The following CHERP variants were observed in gnomAD, a reference collection of about 807,000 sequenced individuals.
CHERP encodes the protein ERPROT 213-21.
A neutral mutation model predicts 113.8 loss-of-function variants in CHERP; 8 were observed. The observed-to-expected ratio is 0.07, with a 90% CI of 0.04 to 0.13. CHERP has a LOEUF of 0.13. Ranked by LOEUF, CHERP falls within the 10% of genes least tolerant of loss-of-function variation. The pLI is 1.00. For synonymous variants in CHERP, 559 were observed against 524.5 expected (o/e 1.07, Z -0.90); for missense variants, 884 against 1,298.2 (o/e 0.68, Z 4.90).
rs2085614252 is a variant in CHERP at position 16,521,405 on chromosome 19, G to A, written c.2114+116C>T. 6 of 919,524 alleles carry A rather than the reference G, an allele frequency of 6.5e-6. No individual in the cohort carries two copies. In the South Asian group the frequency reaches 1.1e-4, roughly 17 times the overall value. The allele number at this position is 919,524 out of a possible 1,614,324, so 57.0% of individuals were successfully genotyped here. On this transcript the variant is annotated intron_variant, in intron 12 of 16. Transcript: ENST00000546361. Reference sequence around the variant, plus strand: ...ACACTTGTCACTCAGGCGGGGGGAGGGCAGTTTCTCCTGAGGGACAGCCAC... The same window carrying A: ...ACACTTGTCACTCAGGCGGGGGGAGAGCAGTTTCTCCTGAGGGACAGCCAC...
chr19:16,525,075 C>G lies in CHERP; in HGVS notation c.1741+167G>C, dbSNP rs889425688. ...CAGGGCGGCAAAACTGAGTCTGTGCCCCCACTTCCTGAGAACCCAGGCCGG... is the reference window on the plus strand; with the variant it reads ...CAGGGCGGCAAAACTGAGTCTGTGCGCCCACTTCCTGAGAACCCAGGCCGG... On this transcript the variant is annotated intron_variant, in intron 10 of 16. Transcript: ENST00000546361. The surrounding 1 kb of genome is among the most constrained non-coding windows in gnomAD (Gnocchi z 6.5). 4.6e-5 allele frequency among the ~76,000 whole-genome samples: 7 copies of G among 152,194 alleles called. No homozygotes were observed. Among genetic ancestry groups the G allele is most frequent in the Middle Eastern group, 3.2e-3 (1 of 316 alleles).
At chr19:16,539,239 C>A (rs1450373621) in intron 2 of CHERP, among the ~76,000 whole-genome samples, 1 of 151,476 alleles carries the variant, frequency 6.6e-6, no homozygotes, top group Non-Finnish European at 1.5e-5. Context: ...GCTCTGCCTC[C>A]CAGGTTCACG....
Position 16,532,720 on chromosome 19 carries a change from G to A in CHERP, c.552C>T (p.Ala184=). The A allele has an allele frequency of 6.2e-7, 1 of 1,612,116 alleles. No homozygotes were observed. Among genetic ancestry groups the A allele is most frequent in the Non-Finnish European group, 8.5e-7 (1 of 1,178,620 alleles). Residue 184 remains alanine, a synonymous_variant, in exon 5 of 17, where the codon GCC becomes GCT. Coordinates refer to ENST00000546361, the MANE Select transcript of CHERP (RefSeq NM_006387.6). This position sits in a 1 kb window ranked among gnomAD's most constrained non-coding sequence, Gnocchi z 4.4. ...TCAGCTCACAGTGCGGCGGGGACTT[G>A]GCATTGCTGAACATCCAGTTCTTCC... The part of the protein sequence containing the change: ...SAGKNWMFSN[A]KSPPHCELMA...
At chr19:16,531,573 G>C (rs2085705089) in intron 5 of CHERP, among the ~76,000 whole-genome samples, 1 of 152,240 alleles carries the variant, frequency 6.6e-6, no homozygotes, top group South Asian at 2.1e-4. Context: ...AGGGGGCTCA[G>C]GGGAGCAAGG....
Position 16,523,372 on chromosome 19 carries a change from G to T in CHERP, c.1742-82C>A. Reference sequence around the variant, plus strand: ...AAGTGCTGGAGGGGAGGGGCTCAGTGAAGGGCCAGGAGACGAACCCCTCCT... The same window carrying T: ...AAGTGCTGGAGGGGAGGGGCTCAGTTAAGGGCCAGGAGACGAACCCCTCCT... On this transcript the variant is annotated intron_variant, in intron 10 of 16. Coordinates refer to ENST00000546361, the MANE Select transcript of CHERP (RefSeq NM_006387.6). This position sits in a 1 kb window ranked among gnomAD's most constrained non-coding sequence, Gnocchi z 4.0. 6.5e-7 allele frequency: 1 copy of T among 1,528,678 alleles called. No homozygotes were observed. Among genetic ancestry groups the T allele is most frequent in the Non-Finnish European group, 8.9e-7 (1 of 1,123,818 alleles). 94.7% of individuals were successfully genotyped at this position (1,528,678 alleles called of 1,614,324 possible). A position where few individuals can be genotyped will look rare whatever the true frequency, so the allele number is the denominator to read the frequency against.
intron 3 of CHERP, among the ~76,000 whole-genome samples, chr19:16,534,008 A>G (rs2085724826): frequency 6.6e-6 from 1 of 151,500 alleles, no homozygotes; most frequent in South Asian, 2.1e-4. Flanking sequence ...CTCCCACTCC[A>G]TGATGAACAG....
At position 16,520,328 on chromosome 19, in the gene CHERP, G is replaced by A. The variant is rs1233757026; in HGVS notation, c.2345+36C>T. The A allele has an allele frequency of 2.5e-6, 4 of 1,611,472 alleles. No individual in the cohort carries two copies. The highest frequency in any genetic ancestry group is 2.7e-5 in the African/African-American group (2 of 74,848). The stretch of plus-strand genomic sequence containing the variant: ...GCGTCGTGGGGAGGCCACAGGAAGA[G>A]GCCTCAGGCACTGCCCTGAGGCAGC... On this transcript the variant is annotated intron_variant, in intron 14 of 16. Coordinates refer to ENST00000546361, the MANE Select transcript of CHERP (RefSeq NM_006387.6). The surrounding 1 kb of genome is among the most constrained non-coding windows in gnomAD (Gnocchi z 4.0).
Position 16,518,846 on chromosome 19 carries a change from C to T in CHERP, c.*313G>A. 1 of 366,374 alleles carries T rather than the reference C, an allele frequency of 2.7e-6. No homozygotes were observed. The allele number at this position is 366,374 out of a possible 1,614,324, so 22.7% of individuals were successfully genotyped here. A position where few individuals can be genotyped will look rare whatever the true frequency, so the allele number is the denominator to read the frequency against. On this transcript the variant is annotated 3_prime_UTR_variant, in exon 17 of 17. Coordinates refer to ENST00000546361, the MANE Select transcript of CHERP (RefSeq NM_006387.6). The stretch of plus-strand genomic sequence containing the variant: ...TGACTTAGGGCAGATGCACATCCAT[C>T]CCTTCGTGGCTGAAGAATTTACTCG...
In CHERP at chr19:16,532,853, A is replaced by G; in HGVS notation, c.523-104T>C. The G allele has an allele frequency of 3.9e-6, 6 of 1,539,162 alleles. No homozygotes were observed. Among genetic ancestry groups the G allele is most frequent in the Non-Finnish European group, 5.3e-6 (6 of 1,136,524 alleles). On this transcript the variant is annotated intron_variant, in intron 4 of 16. Transcript: ENST00000546361. The surrounding 1 kb of genome is among the most constrained non-coding windows in gnomAD (Gnocchi z 4.4). ...CCATCAGCTCAGGGAAGGACACACCATGAGCGTGGGGGGCACAGGGTCCCA... is the reference window on the plus strand; with the variant it reads ...CCATCAGCTCAGGGAAGGACACACCGTGAGCGTGGGGGGCACAGGGTCCCA...
chr19:16,542,152 G>C (rs902700489), intron 1 of CHERP, 109 bp from the exon 2 acceptor site: 1 of 1,299,984 alleles, frequency 7.7e-7, no homozygotes, highest in African/African-American at 1.5e-5. Flanking sequence ...AAGGGGGTGG[G>C]CCCCGAAGAG....
At position 16,520,653 on chromosome 19, in the gene CHERP, T is replaced by C; in HGVS notation, c.2202-146A>G. The C allele has an allele frequency of 4.2e-6, 5 of 1,176,726 alleles. No individual in the cohort carries two copies. The highest frequency in any genetic ancestry group is 6.1e-6 in the Non-Finnish European group (5 of 816,568). The allele number at this position is 1,176,726 out of a possible 1,614,324, so 72.9% of individuals were successfully genotyped here. ...AGCCACAGCAACGGTACCAAGTTCCTAAATAGTGTGGCCGAGCCTGCTGCT... is the reference window on the plus strand; with the variant it reads ...AGCCACAGCAACGGTACCAAGTTCCCAAATAGTGTGGCCGAGCCTGCTGCT... On this transcript the variant is annotated intron_variant, in intron 13 of 16. Transcript: ENST00000546361. This position sits in a 1 kb window ranked among gnomAD's most constrained non-coding sequence, Gnocchi z 4.0.
At chr19:16,533,692 CA>C in intron 3 of CHERP, among the ~76,000 whole-genome samples, 1 of 152,028 alleles carries the variant, frequency 6.6e-6, no homozygotes, top group East Asian at 1.9e-4. Context: ...CCCAGGAGTT[CA>C]AAGTTAAACA....
chr19:16,538,062 C>T (rs1377172172), intron 2 of CHERP, among the ~76,000 whole-genome samples: 1 of 152,166 alleles, frequency 6.6e-6, no homozygotes, highest in African/African-American at 2.4e-5. Flanking sequence ...TGTACTGTGG[C>T]TAACCCAGCT....
intron 2 of CHERP, among the ~76,000 whole-genome samples, chr19:16,539,533 TTCAGGCAGCTGATC>T (rs1422170545): frequency 2.0e-5 from 3 of 152,096 alleles, no homozygotes; most frequent in Non-Finnish European, 4.4e-5. Flanking sequence ...TGCTTACGAT[TTCAGGCAGCTGATC>T]TCTCTCCACC....
chr19:16,530,007 C>T lies in CHERP; in HGVS notation c.877-107G>A. 7.1e-7 allele frequency: 1 copy of T among 1,410,134 alleles called. No homozygotes were observed. The highest frequency in any genetic ancestry group is 9.5e-7 in the Non-Finnish European group (1 of 1,049,314). 87.4% of individuals were successfully genotyped at this position (1,410,134 alleles called of 1,614,324 possible). On this transcript the variant is annotated intron_variant, in intron 7 of 16. Coordinates refer to ENST00000546361, the MANE Select transcript of CHERP (RefSeq NM_006387.6). The surrounding 1 kb of genome is among the most constrained non-coding windows in gnomAD (Gnocchi z 4.1). ...GCAGCAGAGCCTGGGGGACCTGGGGCAGGTGGACAGGGAACCGTCACGTGA... is the reference window on the plus strand; with the variant it reads ...GCAGCAGAGCCTGGGGGACCTGGGGTAGGTGGACAGGGAACCGTCACGTGA...
In CHERP at chr19:16,518,258, G is replaced by C. The variant is rs1314045849; in HGVS notation, c.*901C>G. The C allele has an allele frequency of 1.3e-5, 2 of 152,004 alleles. No individual in the cohort carries two copies. Among genetic ancestry groups the C allele is most frequent in the Non-Finnish European group, 2.9e-5 (2 of 68,058 alleles). The allele number at this position is 152,004 out of a possible 1,614,324, so 9.4% of individuals were successfully genotyped here. On this transcript the variant is annotated 3_prime_UTR_variant, in exon 17 of 17. Coordinates refer to ENST00000546361, the MANE Select transcript of CHERP (RefSeq NM_006387.6). ...ATGATGGAGTGGAAGGCGCTGGCTG[G>C]GGTCGGGCTCCATGCTCTGGATGGG...
chr19:16,520,300 C>T lies in CHERP; in HGVS notation c.2346-35G>A, dbSNP rs1461686938. ...AGGGTGCCCAAGGGTCAGCAGCAGC[C>T]AGGCGTCGTGGGGAGGCCACAGGAA... On this transcript the variant is annotated intron_variant, in intron 14 of 16. Coordinates refer to ENST00000546361, the MANE Select transcript of CHERP (RefSeq NM_006387.6). This position sits in a 1 kb window ranked among gnomAD's most constrained non-coding sequence, Gnocchi z 4.0. 6.2e-7 allele frequency: 1 copy of T among 1,611,180 alleles called. No homozygotes were observed. The highest frequency in any genetic ancestry group is 1.3e-5 in the African/African-American group (1 of 74,794).
chr19:16,520,746 A>T lies in CHERP; in HGVS notation c.2201+80T>A. The T allele has an allele frequency of 7.3e-7, 1 of 1,367,088 alleles. No homozygotes were observed. The allele number at this position is 1,367,088 out of a possible 1,614,324, so 84.7% of individuals were successfully genotyped here. A position where few individuals can be genotyped will look rare whatever the true frequency, so the allele number is the denominator to read the frequency against. ...AGGCTGTGTGAGGGTGGACGTGATG[A>T]GTGTATCTGGGGTCTGCTCCCACCC... On this transcript the variant is annotated intron_variant, in intron 13 of 16. Coordinates refer to ENST00000546361, the MANE Select transcript of CHERP (RefSeq NM_006387.6). The surrounding 1 kb of genome is among the most constrained non-coding windows in gnomAD (Gnocchi z 4.0).
rs1468667654 is a variant in CHERP, at chr19:16,530,973, G to GC, written c.675-94dup. On this transcript the variant is annotated intron_variant, in intron 5 of 16. Coordinates refer to ENST00000546361, the MANE Select transcript of CHERP (RefSeq NM_006387.6). This position sits in a 1 kb window ranked among gnomAD's most constrained non-coding sequence, Gnocchi z 4.1. Reference sequence around the variant, plus strand: ...CGCGGCTCCAGCCTCAGCGCCCTCTGCCTTCTCGGGAATCGGGTCCCCAAC... The same window carrying GC: ...CGCGGCTCCAGCCTCAGCGCCCTCTGCCCTTCTCGGGAATCGGGTCCCCAAC... 15 of 1,522,562 alleles carry GC rather than the reference G, an allele frequency of 9.9e-6. No individual in the cohort carries two copies. The highest frequency in any genetic ancestry group is 2.4e-5 in the South Asian group (2 of 83,074). The allele number at this position is 1,522,562 out of a possible 1,614,324, so 94.3% of individuals were successfully genotyped here. A position where few individuals can be genotyped will look rare whatever the true frequency, so the allele number is the denominator to read the frequency against.
Sources: gnomAD v4.1 joint callset for allele counts (sites outside exome capture counted in the v4.1 genomes callset) on GRCh38, gnomAD v4.1.1 for gene constraint, Gnocchi (gnomAD v3.1) non-coding constraint, MANE v1.5 for transcripts, NCBI Gene and HGNC (gene_info 2026-07-23, HGNC 2026-07-21) for gene names.